ESR1: variants seen among roughly 807,000 people sequenced by gnomAD.
ESR1 encodes the protein estrogen receptor 1, also known as estrogen receptor.
ESR1 carries 12 observed loss-of-function variants against 52.7 expected under a neutral mutation model. That is an observed-to-expected ratio of 0.23 (90% CI 0.15 to 0.37). The LOEUF is 0.37. ESR1 is among the 10% of genes least tolerant of loss of function. The probability of loss-of-function intolerance (pLI) is 1.00; values close to 1 mark genes in which losing one functional copy is unlikely to be tolerated. For synonymous variants in ESR1, 305 were observed against 316.8 expected, an observed-to-expected ratio of 0.96 and a Z score of 0.39; for missense variants, 584 against 779.7, an observed-to-expected ratio of 0.75 and a Z score of 2.99.
intron 2 of ESR1, among the ~76,000 whole-genome samples, chr6:151,860,503 T>C (rs1788675708): frequency 6.6e-6 from 1 of 152,294 alleles, no homozygotes; most frequent in Non-Finnish European, 1.5e-5. Flanking sequence ...TATGTATATA[T>C]AATTGTGTGA....
intron 2 of ESR1, among the ~76,000 whole-genome samples, chr6:151,778,857 A>G (rs546718261): frequency 6.6e-6 from 1 of 152,204 alleles, no homozygotes; most frequent in Non-Finnish European, 1.5e-5. Context: ...TTTCGCTGTC[A>G]TGCAAGTTCT....
chr6:151,658,538 AT>A (rs1182084236), intron 1 of ESR1, among the ~76,000 whole-genome samples: 2 of 152,170 alleles, frequency 1.3e-5, no homozygotes, highest in Non-Finnish European at 1.5e-5. Context: ...CAATATCATC[AT>A]TTTGTTTTCC....
intron 1 of ESR1, among the ~76,000 whole-genome samples, chr6:151,816,740 C>T (rs1779710519): frequency 6.6e-6 from 1 of 152,072 alleles, no homozygotes; most frequent in African/African-American, 2.4e-5. Flanking sequence ...AACAAAACAA[C>T]TGTAAAAAAA....
rs138950810 is a variant in ESR1, at chr6:151,723,127, T to C, written c.-71+21122T>C. ...TACTTCTTTGAAAACACTACTAAAA[T>C]GACCACAAAGACCTGTCCTCACAAG... is the stretch of plus-strand genomic sequence containing the variant. On this transcript the variant is annotated intron_variant, in intron 2 of 2. Coordinates refer to the ESR1 transcript ENST00000404742. 3.2e-3 allele frequency among the ~76,000 whole-genome samples: 485 copies of C among 152,164 alleles called. 4 individuals carry two copies. The highest frequency in any genetic ancestry group is 0.011 in the African/African-American group (463 of 41,508).
intron 1 of ESR1, among the ~76,000 whole-genome samples, chr6:151,825,417 A>C (rs1238411156): frequency 6.6e-6 from 1 of 152,212 alleles, no homozygotes; most frequent in African/African-American, 2.4e-5. Context: ...AATTATTGGA[A>C]TATAGGTCAG....
intron 5 of ESR1, among the ~76,000 whole-genome samples, chr6:152,021,216 C>T (rs1043095273): frequency 3.3e-5 from 5 of 152,076 alleles, no homozygotes; most frequent in Admixed American, 6.5e-5. Flanking sequence ...GGCAGAAAAA[C>T]GTGAAAGGGG....
At chr6:151,743,057 T>C (rs1783211954) in intron 2 of ESR1, among the ~76,000 whole-genome samples, 1 of 152,200 alleles carries the variant, frequency 6.6e-6, no homozygotes, top group Non-Finnish European at 1.5e-5. Flanking sequence ...TCCATAGATC[T>C]GGACGTCGGT....
At chr6:151,683,815 C>T (rs1157112517) in intron 1 of ESR1, among the ~76,000 whole-genome samples, 1 of 151,612 alleles carries the variant, frequency 6.6e-6, no homozygotes, top group Non-Finnish European at 1.5e-5. Flanking sequence ...TCTCTCACCT[C>T]AGCCTCCTAA....
intron 2 of ESR1, among the ~76,000 whole-genome samples, chr6:151,780,139 G>C (rs972601109): frequency 6.6e-6 from 1 of 151,854 alleles, no homozygotes; most frequent in Non-Finnish European, 1.5e-5. Context: ...AAGTGGGTGA[G>C]TTCCACAAGT....
At chr6:151,802,715 G>A (rs1039484896), upstream of ESR1, among the ~76,000 whole-genome samples, 1 of 152,190 alleles carries the variant, frequency 6.6e-6, no homozygotes, top group Admixed American at 6.5e-5. Context: ...AAGACCGGGC[G>A]TGATGGCTCA....
intron 3 of ESR1, chr6:151,936,333 G>T (rs568735342): frequency 2.6e-5 from 4 of 152,304 alleles, no homozygotes; most frequent in Admixed American, 6.5e-5. Flanking sequence ...GAGAAGTTGG[G>T]GGGTGGTAAA....
rs1404258252 is a variant in ESR1 at position 151,939,090 on chromosome 6, T to A, written c.761-5083T>A. 3.9e-5 allele frequency among the ~76,000 whole-genome samples: 6 copies of A among 152,222 alleles called. No homozygotes were observed. In the South Asian group the frequency reaches 6.2e-4, roughly 16 times the overall value. On this transcript the variant is annotated intron_variant, in intron 3 of 7. Coordinates refer to ENST00000206249, the MANE Select transcript of ESR1 (RefSeq NM_000125.4). ...GGGCACGACATCTCTATTGTGCTGT[T>A]GAATATACTGCTCAACCATTCTGGA... is the stretch of plus-strand genomic sequence containing the variant.
chr6:151,875,021 A>G (rs569849719), intron 2 of ESR1, among the ~76,000 whole-genome samples: 2 of 152,376 alleles, frequency 1.3e-5, no homozygotes, highest in African/African-American at 4.8e-5. Flanking sequence ...ACATTTCTAT[A>G]TAAAACAAGC....
intron 3 of ESR1, among the ~76,000 whole-genome samples, chr6:151,885,639 C>T (rs1454518106): frequency 2.0e-5 from 3 of 152,052 alleles, no homozygotes; most frequent in East Asian, 1.9e-4. Context: ...CTGAGGTGGG[C>T]GGATCACCTG....
upstream of ESR1, among the ~76,000 whole-genome samples, chr6:151,799,697 T>C (rs1460513457): frequency 1.3e-5 from 2 of 152,174 alleles, no homozygotes; most frequent in Non-Finnish European, 2.9e-5. Flanking sequence ...ATGAGAATGT[T>C]TAGGGAGATA....
intron 1 of ESR1, among the ~76,000 whole-genome samples, chr6:151,839,670 C>T (rs1339285800): frequency 6.6e-6 from 1 of 151,948 alleles, no homozygotes; most frequent in Non-Finnish European, 1.5e-5. Flanking sequence ...ACATCATGGA[C>T]CTTCAGGACA....
At chr6:151,733,234 G>A (rs888973929) in intron 2 of ESR1, among the ~76,000 whole-genome samples, 55 of 152,286 alleles carry the variant, frequency 3.6e-4, no homozygotes, top group African/African-American at 1.1e-3. Context: ...CACACAGTAC[G>A]TAGTCGAGCT....
intron 1 of ESR1, among the ~76,000 whole-genome samples, chr6:151,841,325 A>T (rs1481962824): frequency 6.6e-6 from 1 of 151,998 alleles, no homozygotes; most frequent in Non-Finnish European, 1.5e-5. Flanking sequence ...GCCTTCCCTC[A>T]TTTTCATCTC....
chr6:151,792,899 G>A (rs907900592), intron 2 of ESR1, among the ~76,000 whole-genome samples: 6 of 152,048 alleles, frequency 3.9e-5, no homozygotes, highest in African/African-American at 1.4e-4. Context: ...GTCTGAGTGC[G>A]GGGGCTCACG....
Sources: allele counts gnomAD v4.1 joint callset (sites outside exome capture counted in the v4.1 genomes callset), GRCh38; gene constraint gnomAD v4.1.1; transcripts MANE v1.5; gene names NCBI Gene and HGNC (gene_info 2026-07-23, HGNC 2026-07-21).